The following JAK1 variants were observed in gnomAD, a reference collection of about 807,000 sequenced individuals.
JAK1 encodes the protein tyrosine-protein kinase JAK1.
A neutral mutation model predicts 136.6 loss-of-function variants in JAK1; 16 were observed. That is an observed-to-expected ratio of 0.12 (90% CI 0.08 to 0.18). The LOEUF (loss-of-function observed/expected upper bound fraction) is 0.18, where lower values mean the gene tolerates loss of function less well. JAK1 is among the 10% of genes least tolerant of loss of function. JAK1 has a pLI of 1.00. For synonymous variants in JAK1, 492 were observed against 519.5 expected (o/e 0.95, Z 0.72); for missense variants, 859 against 1,450.1 (o/e 0.59, Z 6.62).
At chr1:64,900,487 G>A (rs1460153349) in intron 1 of JAK1, among the ~76,000 whole-genome samples, 1 of 152,108 alleles carries the variant, frequency 6.6e-6, no homozygotes, top group Non-Finnish European at 1.5e-5. Context: ...GGCAGGCTGG[G>A]GTCAGACTGA....
intron 1 of JAK1, among the ~76,000 whole-genome samples, chr1:64,938,287 T>G (rs774819434): frequency 9.9e-5 from 15 of 152,230 alleles, no homozygotes; most frequent in Non-Finnish European, 1.9e-4. Context: ...ACCTTTTAGA[T>G]GTACTGTGTG....
rs943760264 is a variant in JAK1 at position 64,846,751 on chromosome 1, G to A, written c.1900-15C>T. ...TCGAAGAAGGCCTGTGGGCGAGCAG[G>A]ACATAGGAATGTCTCAGGCCAGCCT... On this transcript the variant is annotated splice_polypyrimidine_tract_variant and intron_variant, in intron 13 of 24. Transcript: ENST00000342505. 1 of 1,608,616 alleles carries A rather than the reference G, an allele frequency of 6.2e-7. No individual in the cohort carries two copies. Among genetic ancestry groups the A allele is most frequent in the Non-Finnish European group, 8.5e-7 (1 of 1,175,676 alleles).
intron 3 of JAK1, among the ~76,000 whole-genome samples, chr1:64,879,760 T>A (rs368761351): frequency 2.6e-5 from 4 of 152,218 alleles, no homozygotes; most frequent in Admixed American, 6.5e-5. Context: ...TATTTTTTAT[T>A]TAGTAACCAA....
intron 1 of JAK1, among the ~76,000 whole-genome samples, chr1:64,944,569 C>G (rs1341816933): frequency 6.6e-6 from 1 of 152,110 alleles, no homozygotes; most frequent in East Asian, 1.9e-4. Flanking sequence ...CATAAATGTT[C>G]ATCCAGGAAC....
At chr1:64,846,965 G>A in intron 13 of JAK1, 1 of 555,778 alleles carries the variant, frequency 1.8e-6, no homozygotes, top group South Asian at 2.4e-5. Flanking sequence ...CTAACAGGAT[G>A]CAGAGCAGGG....
At chr1:65,067,151 G>GCCCCGCGCCGCCGC (rs1228754161) in intron 1 of JAK1, among the ~76,000 whole-genome samples, 1 of 151,032 alleles carries the variant, frequency 6.6e-6, no homozygotes, top group East Asian at 2.0e-4. Context: ...GGCCCGGCCC[G>GCCCCGCGCCGCCGC]CCCCGCGCCG....
At chr1:64,999,217 T>G (rs1311571858) in intron 2 of JAK1, among the ~76,000 whole-genome samples, 1 of 152,144 alleles carries the variant, frequency 6.6e-6, no homozygotes, top group Non-Finnish European at 1.5e-5. Context: ...GTCCAAACCT[T>G]CTCAGCATGA....
chr1:64,896,962 C>T (rs367714704), intron 1 of JAK1, among the ~76,000 whole-genome samples: 23 of 152,226 alleles, frequency 1.5e-4, no homozygotes, highest in African/African-American at 4.8e-4. Flanking sequence ...ATTTTACAGG[C>T]TTATTTTAAA....
intron 1 of JAK1, among the ~76,000 whole-genome samples, chr1:64,951,272 G>C (rs1026960277): frequency 6.6e-6 from 1 of 152,176 alleles, no homozygotes; most frequent in Non-Finnish European, 1.5e-5. Flanking sequence ...ATTCGACCTA[G>C]CATAAGCAGT....
intron 20 of JAK1, chr1:64,839,399 G>A (rs1329245942): frequency 2.6e-5 from 11 of 425,474 alleles, no homozygotes; most frequent in Non-Finnish European, 4.5e-5. Flanking sequence ...CCCCTGGATG[G>A]AGGGGCCTGG....
At position 64,866,954 on chromosome 1, in the gene JAK1, C is replaced by A. The variant is rs771675518; in HGVS notation, c.902G>T (p.Trp301Leu). Reference protein sequence around the residue: ...LLISSENEMNWFHSNDGGNVL... With the variant: ...LLISSENEMNLFHSNDGGNVL... ...GTTTCCACCGTCATTCGAATGAAAC[C>A]AATTCATCTCATTTTCTGATGAAAT... The change falls in exon 7 of 25, where the codon TGG becomes TTG. Residue 301 changes from tryptophan (W) to leucine (L), a missense_variant. By Grantham distance (61) the Trp-to-Leu change is moderately conservative. Transcript: ENST00000342505. 2 of 1,614,124 alleles carry A rather than the reference C, an allele frequency of 1.2e-6. No individual in the cohort carries two copies. Among genetic ancestry groups the A allele is most frequent in the Non-Finnish European group, 1.7e-6 (2 of 1,179,958 alleles).
intron 2 of JAK1, among the ~76,000 whole-genome samples, chr1:65,018,993 A>C (rs1317139817): frequency 1.3e-5 from 2 of 152,226 alleles, no homozygotes; most frequent in African/African-American, 4.8e-5. Context: ...CGTGGGGGAC[A>C]GAGTGAGATT....
chr1:64,934,236 G>A (rs1248547257), intron 1 of JAK1, among the ~76,000 whole-genome samples: 5 of 152,188 alleles, frequency 3.3e-5, no homozygotes, highest in Admixed American at 2.0e-4. Context: ...AATGACCTCC[G>A]GCTCCAGTCC....
At chr1:64,961,618 C>T (rs1646284239) in intron 1 of JAK1, among the ~76,000 whole-genome samples, 2 of 152,138 alleles carry the variant, frequency 1.3e-5, no homozygotes, top group South Asian at 2.1e-4. Flanking sequence ...AATCTAGTGG[C>T]CACTTCCAAG....
intron 5 of JAK1, among the ~76,000 whole-genome samples, chr1:64,870,573 C>T (rs747625980): frequency 2.0e-5 from 3 of 152,074 alleles, no homozygotes; most frequent in South Asian, 2.1e-4. Context: ...TGTTCAATGC[C>T]GTGCTACAGC....
At chr1:64,983,764 A>C (rs1214013275) in intron 2 of JAK1, among the ~76,000 whole-genome samples, 3 of 152,254 alleles carry the variant, frequency 2.0e-5, no homozygotes, top group Non-Finnish European at 4.4e-5. Context: ...TACAATGCCC[A>C]TCTTGGTTAA....
chr1:65,029,675 G>A (rs1371014756), intron 2 of JAK1, among the ~76,000 whole-genome samples: 1 of 152,162 alleles, frequency 6.6e-6, no homozygotes, highest in East Asian at 1.9e-4. Context: ...GGATGGAGCT[G>A]GAGGCTATTA....
chr1:64,841,162 A>C, intron 19 of JAK1, 83 bp downstream of exon 19: 1 of 986,382 alleles, frequency 1.0e-6, no homozygotes, highest in South Asian at 1.4e-5. Flanking sequence ...AAAAGAATGG[A>C]GAGCAGCTGT....
intron 1 of JAK1, among the ~76,000 whole-genome samples, chr1:64,913,221 C>T (rs1048138815): frequency 2.6e-5 from 4 of 152,116 alleles, no homozygotes; most frequent in Non-Finnish European, 4.4e-5. Context: ...GACAGGGTCT[C>T]GCCTTATTGC....
Sources: allele counts gnomAD v4.1 joint callset (sites outside exome capture counted in the v4.1 genomes callset), GRCh38; gene constraint gnomAD v4.1.1; transcripts MANE v1.5; gene names NCBI Gene and HGNC (gene_info 2026-07-23, HGNC 2026-07-21).